Variants in NTM observed in about 807,000 individuals in gnomAD.
The protein encoded by NTM is neurotrimin, also known as IgLON family member 2.
NTM carries 13 observed loss-of-function variants against 42.1 expected under a neutral mutation model. That is an observed-to-expected ratio of 0.31 (90% CI 0.20 to 0.49). The LOEUF (loss-of-function observed/expected upper bound fraction) is 0.49, where lower values mean the gene tolerates loss of function less well. NTM is among the 20% of genes least tolerant of loss of function. The pLI is 0.99. For synonymous variants in NTM, 187 were observed against 179.2 expected (o/e 1.04, Z -0.35); for missense variants, 373 against 452.8 (o/e 0.82, Z 1.60).
chr11:131,636,558 C>T (rs1176935516), intron 1 of NTM, among the ~76,000 whole-genome samples: 3 of 152,172 alleles, frequency 2.0e-5, no homozygotes, highest in Non-Finnish European at 2.9e-5. Context: ...TAACATAAAA[C>T]GATGCAGACT....
chr11:131,425,927 A>C (rs1351529535), intron 1 of NTM, among the ~76,000 whole-genome samples: 1 of 152,176 alleles, frequency 6.6e-6, no homozygotes, highest in East Asian at 1.9e-4. Context: ...GAAGACAGTA[A>C]AATAGTCAAG....
chr11:132,286,523 C>A (rs73597272), intron 4 of NTM, among the ~76,000 whole-genome samples: 2 of 152,114 alleles, frequency 1.3e-5, no homozygotes, highest in African/African-American at 2.4e-5. Flanking sequence ...TCCGCCCCCC[C>A]CACCCAAACA....
At chr11:131,782,153 G>A (rs982375021) in intron 1 of NTM, among the ~76,000 whole-genome samples, 1 of 152,078 alleles carries the variant, frequency 6.6e-6, no homozygotes, top group Non-Finnish European at 1.5e-5. Flanking sequence ...CCAAAAGACT[G>A]CTTAATAAAA....
Position 131,633,754 on chromosome 11 carries a change from TCCCTCTCTCTCC to T in NTM, c.82+262868_82+262879del, listed in dbSNP as rs1565355252. Among the ~76,000 whole-genome samples the T allele has an allele frequency of 4.7e-3, 197 of 42,036 alleles. 1 individual carries two copies. The highest frequency in any genetic ancestry group is 0.013 in the African/African-American group (153 of 11,430). The allele number at this position is 42,036 out of a possible 152,430, so 27.6% of individuals were successfully genotyped here. A position where few individuals can be genotyped will look rare whatever the true frequency, so the allele number is the denominator to read the frequency against. On this transcript the variant is annotated intron_variant, in intron 1 of 8. Coordinates refer to ENST00000683400, the MANE Select transcript of NTM (RefSeq NM_001352005.2). Reference sequence around the variant, plus strand: ...CTCTCTCTCCCTCCCTCTCTCTCCCTCCCTCTCTCTCCCTCTCTCTCTCTCTCTCTCTCTCAC... The same window carrying T: ...CTCTCTCTCCCTCCCTCTCTCTCCCTCTCTCTCTCTCTCTCTCTCTCTCAC...
intron 1 of NTM, among the ~76,000 whole-genome samples, chr11:131,756,522 T>C (rs1340198587): frequency 2.2e-5 from 3 of 136,540 alleles, no homozygotes; most frequent in African/African-American, 8.3e-5. Flanking sequence ...AGACTCCATC[T>C]CAAAAAAAAA....
At chr11:131,590,017 C>T (rs139216378) in intron 1 of NTM, among the ~76,000 whole-genome samples, 467 of 152,324 alleles carry the variant, frequency 3.1e-3, no homozygotes, top group African/African-American at 0.011. Flanking sequence ...GGAACTGGAA[C>T]GTTCTCACTC....
chr11:132,310,696 T>A (rs1253822439), intron 6 of NTM, among the ~76,000 whole-genome samples: 1 of 152,104 alleles, frequency 6.6e-6, no homozygotes, highest in African/African-American at 2.4e-5. Context: ...TAGCGGTGTA[T>A]AAGAGTCCAT....
At chr11:131,832,134 A>C (rs1405872939) in intron 1 of NTM, among the ~76,000 whole-genome samples, 1 of 150,832 alleles carries the variant, frequency 6.6e-6, no homozygotes, top group African/African-American at 2.4e-5. Context: ...AAAACACGCC[A>C]CACACACACA....
At chr11:131,507,588 G>A (rs1591868011) in intron 1 of NTM, among the ~76,000 whole-genome samples, 1 of 150,804 alleles carries the variant, frequency 6.6e-6, no homozygotes, top group South Asian at 2.1e-4. Flanking sequence ...TTCCAATTCT[G>A]TGAAGAAAGT....
At chr11:131,792,847 T>C (rs185090901) in intron 1 of NTM, among the ~76,000 whole-genome samples, 33 of 152,390 alleles carry the variant, frequency 2.2e-4, no homozygotes, top group Non-Finnish European at 3.5e-4. Flanking sequence ...TCTGTAGATC[T>C]AGTCAAATAT....
intron 1 of NTM, among the ~76,000 whole-genome samples, chr11:131,806,232 A>G (rs1449486813): frequency 1.3e-5 from 2 of 152,220 alleles, no homozygotes; most frequent in Admixed American, 6.5e-5. Flanking sequence ...GTTTTCCACT[A>G]TGGGGCAAGT....
chr11:131,669,671 A>T (rs577212787), intron 1 of NTM, among the ~76,000 whole-genome samples: 10 of 152,266 alleles, frequency 6.6e-5, no homozygotes, highest in African/African-American at 2.4e-4. Context: ...GCTGTTTGTC[A>T]TAGCCTGGGT....
At chr11:131,634,641 G>GAAA (rs68051318) in intron 1 of NTM, among the ~76,000 whole-genome samples, 2,016 of 147,888 alleles carry the variant, frequency 0.014, 31 homozygotes, top group Middle Eastern at 0.062. Context: ...CAACCCACTA[G>GAAA]AAAAAAGAAA....
chr11:131,719,457 C>G (rs1172015928), intron 1 of NTM, among the ~76,000 whole-genome samples: 2 of 152,124 alleles, frequency 1.3e-5, no homozygotes, highest in African/African-American at 4.8e-5. Flanking sequence ...GCTGTGAGAG[C>G]TGGAATAAAA....
At chr11:131,784,820 T>C (rs1311902068) in intron 1 of NTM, among the ~76,000 whole-genome samples, 2 of 152,252 alleles carry the variant, frequency 1.3e-5, no homozygotes. Flanking sequence ...TCTATCTTTT[T>C]AGCTTTTTCC....
At chr11:132,231,288 G>A (rs1316203389) in intron 4 of NTM, among the ~76,000 whole-genome samples, 1 of 152,170 alleles carries the variant, frequency 6.6e-6, no homozygotes, top group Non-Finnish European at 1.5e-5. Context: ...TGGTACAAGG[G>A]CTACCATTTT....
chr11:131,506,137 C>T (rs976635993), intron 1 of NTM, among the ~76,000 whole-genome samples: 2 of 152,114 alleles, frequency 1.3e-5, no homozygotes, highest in Non-Finnish European at 2.9e-5. Flanking sequence ...TAAAATGACT[C>T]ATTCTCAAGC....
At position 131,826,542 on chromosome 11, in the gene NTM, C is replaced by T. The variant is rs534635681; in HGVS notation, c.83-85022C>T. ...GACAGGCTTGGACAGTCAGCTACGT[C>T]GAGGGATTGGTCGTAATATTCTAAA... On this transcript the variant is annotated intron_variant, in intron 1 of 8. Coordinates refer to ENST00000683400, the MANE Select transcript of NTM (RefSeq NM_001352005.2). Among the ~76,000 whole-genome samples, 31 of 139,428 alleles carry T rather than the reference C, an allele frequency of 2.2e-4. No individual in the cohort carries two copies. The South Asian group carries it at 4.4e-3, about 20-fold the overall frequency. The allele number at this position is 139,428 out of a possible 152,430, so 91.5% of individuals were successfully genotyped here.
chr11:132,143,274 T>A (rs537335514), intron 2 of NTM, among the ~76,000 whole-genome samples: 27 of 152,286 alleles, frequency 1.8e-4, no homozygotes, highest in African/African-American at 6.3e-4. Context: ...TGGAATTTTG[T>A]CAGAAATGCA....
Sources: gnomAD v4.1 joint callset for allele counts (sites outside exome capture counted in the v4.1 genomes callset) on GRCh38, gnomAD v4.1.1 for gene constraint, MANE v1.5 for transcripts, NCBI Gene and HGNC (gene_info 2026-07-23, HGNC 2026-07-21) for gene names.